Variants in CD163 observed in about 807,000 individuals in gnomAD.
CD163 encodes the protein scavenger receptor cysteine-rich type 1 protein M130.
Under a neutral mutation model 129.2 loss-of-function variants are expected in CD163, and 64 were observed. That is an observed-to-expected ratio of 0.50 (90% CI 0.41 to 0.61). The LOEUF is 0.61. CD163 is among the 20% of genes least tolerant of loss of function. The pLI, the probability that CD163 is intolerant of heterozygous loss-of-function variation, is 0.00. For missense variants in CD163, 1,061 were observed against 1,377.9 expected (o/e 0.77, Z 3.64); for synonymous variants, 446 against 478.5 (o/e 0.93, Z 0.89).
At position 7,476,285 on chromosome 12, in the gene CD163, T is replaced by C. The variant is rs774927475; in HGVS notation, c.*31+3575A>G. Among the ~76,000 whole-genome samples the C allele has an allele frequency of 2.6e-5, 4 of 152,164 alleles. No individual in the cohort carries two copies. In the South Asian group the frequency reaches 8.3e-4, roughly 32 times the overall value. Reference sequence around the variant, plus strand: ...AATAGAGCCTGTATAGCCAAGACAATCCTAAGCAAAAAGAACAGAGCTGGA... The same window carrying C: ...AATAGAGCCTGTATAGCCAAGACAACCCTAAGCAAAAAGAACAGAGCTGGA... On this transcript the variant is annotated intron_variant, in intron 16 of 16. Coordinates refer to ENST00000432237, the MANE Select transcript of CD163 (RefSeq NM_203416.4).
chr12:7,502,765 A>C (rs1375903774), intron 1 of CD163: 1 of 621,070 alleles, frequency 1.6e-6, no homozygotes, highest in Non-Finnish European at 2.9e-6. Flanking sequence ...GTTCATGTTT[A>C]TAGGCAACCT....
At chr12:7,492,526 G>A (rs903051023) in intron 6 of CD163, among the ~76,000 whole-genome samples, 18 of 152,022 alleles carry the variant, frequency 1.2e-4, no homozygotes, top group African/African-American at 3.4e-4. Context: ...AAAGAAAACC[G>A]TGTGCTCACT....
chr12:7,481,066 C>CT lies in CD163; in HGVS notation c.3343+94dup, dbSNP rs1010488350. The CT allele has an allele frequency of 6.0e-6, 9 of 1,501,778 alleles. No individual in the cohort carries two copies. In the African/African-American group the frequency reaches 7.0e-5, roughly 12 times the overall value. 93.0% of individuals were successfully genotyped at this position (1,501,778 alleles called of 1,614,324 possible). A position where few individuals can be genotyped will look rare whatever the true frequency, so the allele number is the denominator to read the frequency against. On this transcript the variant is annotated intron_variant, in intron 15 of 16. Transcript: ENST00000432237. The stretch of plus-strand genomic sequence containing the variant: ...CTAAGCTTCCTATTACATTTTTAGA[C>CT]TTTTTTAACTGTTTATCAAAGTAGA...
Position 7,501,448 on chromosome 12 carries a change from C to T in CD163, c.148G>A (p.Glu50Lys). Residue 50 changes from glutamate to lysine, a missense_variant, in exon 3 of 17, where the codon GAG becomes AAG. Transcript: ENST00000432237. ...TTTTCACCATCCACTAGCCTCAGCT[C>T]CTTGTCTGTTCCTCCTGCAACAATG... The part of the protein sequence containing the change: ...VTSSLGGTDK[E>K]LRLVDGENKC... The T allele has an allele frequency of 3.1e-6, 5 of 1,613,606 alleles. No homozygotes were observed. The highest frequency in any genetic ancestry group is 4.2e-6 in the Non-Finnish European group (5 of 1,179,700).
intron 16 of CD163, among the ~76,000 whole-genome samples, chr12:7,476,391 A>G (rs2136685584): frequency 6.6e-6 from 1 of 152,308 alleles, no homozygotes; most frequent in East Asian, 1.9e-4. Flanking sequence ...AAACAGATAT[A>G]TAGACCAATG....
chr12:7,489,478 C>A (rs926078301), intron 6 of CD163, among the ~76,000 whole-genome samples: 4 of 151,946 alleles, frequency 2.6e-5, no homozygotes, highest in Non-Finnish European at 5.9e-5. Flanking sequence ...CTTATAATTT[C>A]TGTAATAATC....
chr12:7,490,790 T>C (rs1949317194), intron 6 of CD163, among the ~76,000 whole-genome samples: 1 of 152,032 alleles, frequency 6.6e-6, no homozygotes, highest in Non-Finnish European at 1.5e-5. Flanking sequence ...CATTATCCAT[T>C]AAATCTGCGC....
At chr12:7,501,530 C>T in intron 2 of CD163, 68 bp from the exon 3 acceptor site, 1 of 1,197,196 alleles carries the variant, frequency 8.4e-7, no homozygotes, top group Non-Finnish European at 1.2e-6. Context: ...TATTTTTTTA[C>T]ATTACTTATT....
intron 6 of CD163, among the ~76,000 whole-genome samples, chr12:7,493,008 T>C (rs976469758): frequency 4.6e-5 from 7 of 152,154 alleles, no homozygotes; most frequent in African/African-American, 1.4e-4. Flanking sequence ...GATCAAAGTA[T>C]ATTTATATGC....
chr12:7,472,674 T>C (rs984495294), intron 16 of CD163, among the ~76,000 whole-genome samples: 1 of 152,170 alleles, frequency 6.6e-6, no homozygotes, highest in Non-Finnish European at 1.5e-5. Context: ...TCTCCTTTAA[T>C]TGATCACAAC....
At chr12:7,490,847 T>G (rs1039677873) in intron 6 of CD163, among the ~76,000 whole-genome samples, 1 of 152,030 alleles carries the variant, frequency 6.6e-6, no homozygotes, top group Non-Finnish European at 1.5e-5. Flanking sequence ...TGTTGCTTTC[T>G]AAACATAGCT....
chr12:7,500,739 T>A (rs1949473030), intron 3 of CD163, among the ~76,000 whole-genome samples: 1 of 152,164 alleles, frequency 6.6e-6, no homozygotes, highest in Admixed American at 6.6e-5. Flanking sequence ...TATCAGTTAA[T>A]GGACAAAATG....
Position 7,479,887 on chromosome 12 carries a change from C to G in CD163, c.*4G>C. 1 of 1,612,132 alleles carries G rather than the reference C, an allele frequency of 6.2e-7. No homozygotes were observed. Among genetic ancestry groups the G allele is most frequent in the Non-Finnish European group, 8.5e-7 (1 of 1,179,136 alleles). ...CACTGGGTTATAAATTCCCATTTTC[C>G]TTTTCAGTGTGGCTCAGAATGGCCT... On this transcript the variant is annotated 3_prime_UTR_variant, in exon 16 of 17. Coordinates refer to ENST00000432237, the MANE Select transcript of CD163 (RefSeq NM_203416.4).
intron 15 of CD163, 48 bp downstream of exon 15, chr12:7,481,113 C>T (rs1949155854): frequency 6.3e-7 from 1 of 1,591,476 alleles, no homozygotes; most frequent in East Asian, 2.2e-5. Flanking sequence ...TCAACTGCAG[C>T]CACTGATCTG....
intron 11 of CD163, 121 bp from the exon 12 acceptor site, chr12:7,483,796 T>G: frequency 7.9e-6 from 2 of 253,118 alleles, no homozygotes; most frequent in East Asian, 8.0e-5. Context: ...TTTTACTGAA[T>G]GTGCATATTA....
At chr12:7,486,152 C>G (rs1258186522) in intron 10 of CD163, among the ~76,000 whole-genome samples, 1 of 152,034 alleles carries the variant, frequency 6.6e-6, no homozygotes, top group Non-Finnish European at 1.5e-5. Context: ...TTCTTCTTGT[C>G]CCTTTAAATC....
intron 6 of CD163, 110 bp from the exon 7 acceptor site, chr12:7,488,197 G>C: frequency 8.7e-7 from 1 of 1,149,392 alleles, no homozygotes; most frequent in Non-Finnish European, 1.2e-6. Flanking sequence ...AGGGTGCTCA[G>C]TGATTTCCTA....
At chr12:7,502,756 T>A (rs1949511947) in intron 1 of CD163, 192 bp from the exon 2 acceptor site, 2 of 626,336 alleles carry the variant, frequency 3.2e-6, no homozygotes, top group Non-Finnish European at 5.7e-6. Context: ...TTTGAAAATG[T>A]TCATGTTTAT....
At chr12:7,491,389 T>C (rs765769769) in intron 6 of CD163, among the ~76,000 whole-genome samples, 11 of 152,180 alleles carry the variant, frequency 7.2e-5, no homozygotes, top group African/African-American at 2.4e-4. Context: ...TCTTTAGACA[T>C]GGATAGAATA....
Sources: gnomAD v4.1 joint callset for allele counts (sites outside exome capture counted in the v4.1 genomes callset) on GRCh38, gnomAD v4.1.1 for gene constraint, MANE v1.5 for transcripts, NCBI Gene and HGNC (gene_info 2026-07-23, HGNC 2026-07-21) for gene names.